The following SYBU variants were observed in gnomAD, a reference collection of about 807,000 sequenced individuals.
SYBU encodes the protein syntabulin, also known as GOLSYN A protein.
SYBU carries 21 observed loss-of-function variants against 35.9 expected under a neutral mutation model. The observed-to-expected ratio is 0.58, with a 90% CI of 0.41 to 0.84. The LOEUF is 0.84. Among genes scored for constraint, SYBU ranks in the 40% least tolerant of loss-of-function variants. SYBU has a pLI of 0.00. For synonymous variants in SYBU, 319 were observed against 324.3 expected (o/e 0.98, Z 0.18); for missense variants, 768 against 848.2 (o/e 0.91, Z 1.17).
upstream of SYBU, chr8:109,647,904 AC>A (rs1815870721): frequency 6.6e-6 from 1 of 152,186 alleles, no homozygotes. Context: ...TACTTTTGGA[AC>A]CCAAGCCTGT....
intron 2 of SYBU, among the ~76,000 whole-genome samples, chr8:109,628,618 T>C (rs3108851): frequency 0.34 from 51,371 of 152,048 alleles, 10,413 homozygotes; most frequent in Non-Finnish European, 0.45. Flanking sequence ...CCTGGGATAA[T>C]AGGCATGAGC....
intron 3 of SYBU, among the ~76,000 whole-genome samples, chr8:109,587,790 G>A (rs1823796442): frequency 6.6e-6 from 1 of 152,202 alleles, no homozygotes; most frequent in South Asian, 2.1e-4. Flanking sequence ...AATGACAGCA[G>A]TGACTCCTGG....
intron 1 of SYBU, among the ~76,000 whole-genome samples, chr8:109,672,265 G>C (rs1004708484): frequency 9.8e-6 from 1 of 102,460 alleles, no homozygotes; most frequent in African/African-American, 3.7e-5. Context: ...GAACAGCTCC[G>C]GTCTGCAGCT....
Position 109,574,736 on chromosome 8 carries a change from A to C in SYBU, c.*170T>G. 2 of 633,176 alleles carry C rather than the reference A, an allele frequency of 3.2e-6. No homozygotes were observed. The allele number at this position is 633,176 out of a possible 1,614,324, so 39.2% of individuals were successfully genotyped here. A position where few individuals can be genotyped will look rare whatever the true frequency, so the allele number is the denominator to read the frequency against. ...TGGAACCAGGTCTCCATGCCTTTGA[A>C]GATACCTCCGGTTTTAAACAGTGAA... On this transcript the variant is annotated 3_prime_UTR_variant, in exon 7 of 7. Coordinates refer to ENST00000276646, the MANE Select transcript of SYBU (RefSeq NM_001099754.2).
At position 109,642,739 on chromosome 8, in the gene SYBU, C is replaced by T; in HGVS notation, c.218G>A (p.Ser73Asn). 2 of 1,603,478 alleles carry T rather than the reference C, an allele frequency of 1.2e-6. No individual in the cohort carries two copies. The highest frequency in any genetic ancestry group is 4.5e-5 in the East Asian group (2 of 44,664). Residue 73 changes from serine to asparagine, a missense_variant, in exon 2 of 7, where the codon AGC (serine) becomes AAC (asparagine). Coordinates refer to ENST00000276646, the MANE Select transcript of SYBU (RefSeq NM_001099754.2). ...GRSARTVSSNSFCSDDTGCPS... is the reference protein window; with the variant it reads ...GRSARTVSSNNFCSDDTGCPS... ...CGAGGGTACTGTACCTGAGCAGAAG[C>T]TGTTGCTGCTAACGGTCCTCGCTGA... is the stretch of plus-strand genomic sequence containing the variant.
chr8:109,677,444 A>C (rs1413478512), intron 1 of SYBU, among the ~76,000 whole-genome samples: 1 of 152,198 alleles, frequency 6.6e-6, no homozygotes, highest in Admixed American at 6.5e-5. Flanking sequence ...AGTAAATTGC[A>C]AAAAAATACA....
chr8:109,642,301 T>G (rs1328220934), intron 2 of SYBU, among the ~76,000 whole-genome samples: 3 of 151,042 alleles, frequency 2.0e-5, no homozygotes, highest in Admixed American at 6.6e-5. Flanking sequence ...TGTCAGGGGG[T>G]GGGGGCTAGG....
chr8:109,597,029 G>A (rs776533570), intron 3 of SYBU, among the ~76,000 whole-genome samples: 4 of 152,080 alleles, frequency 2.6e-5, no homozygotes, highest in Non-Finnish European at 5.9e-5. Context: ...CAATTTTAGG[G>A]TCCAATATGC....
intron 3 of SYBU, 77 bp downstream of exon 3, chr8:109,618,765 A>G: frequency 7.7e-7 from 1 of 1,297,970 alleles, no homozygotes; most frequent in East Asian, 2.3e-5. Context: ...GACTCGATAT[A>G]CAGGTGTTTA....
In SYBU at chr8:109,579,986, G is replaced by T. The variant is rs761014767; in HGVS notation, c.547C>A (p.Arg183=). Residue 183 remains arginine, a synonymous_variant, in exon 5 of 7, where the codon CGG becomes AGG. Transcript: ENST00000276646. ...TTGTGTGACGAAGCTCCATTACTCCGCCCATGAGGACCTCGACTGGGAGAA... is the reference window on the plus strand; with the variant it reads ...TTGTGTGACGAAGCTCCATTACTCCTCCCATGAGGACCTCGACTGGGAGAA... ...SSSRNRGPHG[R]SNGASSHKPG... 1.9e-6 allele frequency: 3 copies of T among 1,612,962 alleles called. No individual in the cohort carries two copies. The highest frequency in any genetic ancestry group is 2.5e-6 in the Non-Finnish European group (3 of 1,179,972).
At chr8:109,619,087 T>C in intron 2 of SYBU, 48 bp from the exon 3 acceptor site, 2 of 1,493,042 alleles carry the variant, frequency 1.3e-6, no homozygotes, top group Non-Finnish European at 1.9e-6. Flanking sequence ...AGGAAATCAA[T>C]GATGGTGAGA....
chr8:109,578,372 A>G (rs916037384), intron 5 of SYBU, among the ~76,000 whole-genome samples: 3 of 152,190 alleles, frequency 2.0e-5, no homozygotes, highest in Non-Finnish European at 4.4e-5. Context: ...AACCTACAGT[A>G]TGTAGCCCAT....
chr8:109,581,056 A>T (rs1454612114), intron 4 of SYBU: 1 of 152,204 alleles, frequency 6.6e-6, no homozygotes, highest in African/African-American at 2.4e-5. Flanking sequence ...TCCCTAGGCC[A>T]GTGTAGGCAC....
At chr8:109,626,186 G>C (rs971108352) in intron 2 of SYBU, among the ~76,000 whole-genome samples, 1 of 152,038 alleles carries the variant, frequency 6.6e-6, no homozygotes, top group African/African-American at 2.4e-5. Flanking sequence ...CAACCCTTTT[G>C]TTTGCTTTTG....
rs999231801 is a variant in SYBU at position 109,577,971 on chromosome 8, G to T, written c.781C>A (p.Pro261Thr). 1.9e-6 allele frequency: 3 copies of T among 1,613,756 alleles called. No individual in the cohort carries two copies. In the African/African-American group the frequency reaches 4.0e-5, roughly 22 times the overall value. ...GTCAAATACTGCTCTGGGTTTGGGGGTCTGACACCATGATTTTCACCGCAA... is the reference window on the plus strand; with the variant it reads ...GTCAAATACTGCTCTGGGTTTGGGGTTCTGACACCATGATTTTCACCGCAA... ...MSCGENHGVR[P>T]PNPEQYLTPL... Residue 261 changes from proline (P) to threonine (T), a missense_variant, in exon 6 of 7, where the codon CCC becomes ACC. Transcript: ENST00000276646.
At chr8:109,649,355 G>C (rs1009863983), upstream of SYBU, among the ~76,000 whole-genome samples, 1 of 152,070 alleles carries the variant, frequency 6.6e-6, no homozygotes, top group Non-Finnish European at 1.5e-5. Flanking sequence ...GAGGTACTTT[G>C]ATGCTGTAAA....
At chr8:109,606,449 T>C (rs1826075332) in intron 3 of SYBU, among the ~76,000 whole-genome samples, 1 of 152,114 alleles carries the variant, frequency 6.6e-6, no homozygotes, top group African/African-American at 2.4e-5. Context: ...GTCAGATATT[T>C]TGAGGTTAAA....
chr8:109,625,672 T>G (rs1812909941), intron 2 of SYBU, among the ~76,000 whole-genome samples: 1 of 152,196 alleles, frequency 6.6e-6, no homozygotes, highest in Admixed American at 6.5e-5. Flanking sequence ...TCCTCCCACC[T>G]TGGCTCCCAA....
chr8:109,622,213 CTATCTATCTATCATCT>C (rs140318676), intron 2 of SYBU, among the ~76,000 whole-genome samples: 1 of 144,688 alleles, frequency 6.9e-6, no homozygotes, highest in African/African-American at 2.7e-5. Context: ...ATCTATCTAT[CTATCTATCTATCATCT>C]ATCTATCTAT....
Sources: gnomAD v4.1 joint callset for allele counts (sites outside exome capture counted in the v4.1 genomes callset) on GRCh38, gnomAD v4.1.1 for gene constraint, MANE v1.5 for transcripts, NCBI Gene and HGNC (gene_info 2026-07-23, HGNC 2026-07-21) for gene names.